The following SPATA31G1 variants were observed in gnomAD, a reference collection of about 807,000 sequenced individuals.
The protein encoded by SPATA31G1 is spermatogenesis-associated protein 31G1.
chr9:35,044,933 T>C, the SPATA31G1 span: 1 of 1,614,156 alleles, frequency 6.2e-7, no homozygotes, highest in Non-Finnish European at 8.5e-7. Flanking sequence ...AGAGATGGAC[T>C]GTCCCAGAGT....
chr9:35,044,597 C>T, the SPATA31G1 span: 20 of 1,614,054 alleles, frequency 1.2e-5, no homozygotes, highest in African/African-American at 1.5e-4. Context: ...CAAAGTCCCA[C>T]GTAAGTGAGC....
chr9:35,043,245 T>C, the SPATA31G1 span: 1 of 1,614,098 alleles, frequency 6.2e-7, no homozygotes, highest in Non-Finnish European at 8.5e-7. Context: ...GCACAGCGAG[T>C]CCTTGGAGGC....
At chr9:35,043,145 T>C in the SPATA31G1 span, 1 of 1,614,196 alleles carries the variant, frequency 6.2e-7, no homozygotes, top group Non-Finnish European at 8.5e-7. Flanking sequence ...TCTTCCAGAT[T>C]CTGACCAGCT....
chr9:35,042,427 A>G, the SPATA31G1 span: 14 of 1,614,100 alleles, frequency 8.7e-6, no homozygotes, highest in South Asian at 1.5e-4. Flanking sequence ...AGATGGTGGC[A>G]GCTTGGGAGG....
At chr9:35,042,367 G>A in the SPATA31G1 span, 2 of 1,614,164 alleles carry the variant, frequency 1.2e-6, no homozygotes, top group Non-Finnish European at 1.7e-6. Flanking sequence ...TGCTTCCAGA[G>A]TCCAGGAAAT....
the SPATA31G1 span, chr9:35,043,295 G>T: frequency 6.2e-7 from 1 of 1,614,156 alleles, no homozygotes; most frequent in Non-Finnish European, 8.5e-7. Context: ...CTCTGAAGTG[G>T]TCTGTTTGTT....
the SPATA31G1 span, chr9:35,041,955 T>C: frequency 3.5e-6 from 1 of 288,202 alleles, no homozygotes; most frequent in Non-Finnish European, 6.5e-6. Flanking sequence ...ACTGAAAAAA[T>C]TAAGTAGTTT....
At chr9:35,042,426 C>T in the SPATA31G1 span, 5 of 1,614,204 alleles carry the variant, frequency 3.1e-6, no homozygotes, top group Non-Finnish European at 4.2e-6. Flanking sequence ...GAGATGGTGG[C>T]AGCTTGGGAG....
At chr9:35,045,527 C>T in the SPATA31G1 span, 3 of 1,614,098 alleles carry the variant, frequency 1.9e-6, no homozygotes, top group Non-Finnish European at 8.5e-7. Flanking sequence ...TGGGGTTATC[C>T]ACAGTCACAG....
chr9:35,042,463 C>A, the SPATA31G1 span: 3 of 1,614,152 alleles, frequency 1.9e-6, no homozygotes, highest in Non-Finnish European at 2.5e-6. Context: ...CCCTGGTGCT[C>A]TGGGAATATG....
At chr9:35,045,254 G>A in the SPATA31G1 span, 10 of 1,614,106 alleles carry the variant, frequency 6.2e-6, no homozygotes, top group South Asian at 1.1e-5. Flanking sequence ...TTCAGCCACA[G>A]GAGTCTGGCA....
the SPATA31G1 span, chr9:35,042,236 T>C: frequency 2.5e-6 from 4 of 1,611,576 alleles, no homozygotes; most frequent in African/African-American, 5.3e-5. Context: ...CAGGGTAAAC[T>C]GCCAGAAGGC....
chr9:35,044,930 G>T, the SPATA31G1 span: 3 of 1,614,190 alleles, frequency 1.9e-6, no homozygotes, highest in Admixed American at 5.0e-5. Context: ...CCCAGAGATG[G>T]ACTGTCCCAG....
chr9:35,044,002 G>A, the SPATA31G1 span: 2 of 1,613,106 alleles, frequency 1.2e-6, no homozygotes, highest in East Asian at 4.5e-5. Context: ...GGCATGCAAA[G>A]TAGAGAAAAT....
the SPATA31G1 span, chr9:35,042,575 T>C: frequency 6.3e-7 from 1 of 1,580,912 alleles, no homozygotes; most frequent in Non-Finnish European, 8.6e-7. Context: ...GGTGAGTGAC[T>C]ATAAGCCCTA....
chr9:35,045,427 A>G, the SPATA31G1 span: 8 of 1,614,184 alleles, frequency 5.0e-6, no homozygotes, highest in African/African-American at 9.3e-5. Flanking sequence ...GGCAAGAGAA[A>G]GGACAAGGCT....
chr9:35,044,756 G>A, the SPATA31G1 span: 15 of 1,613,974 alleles, frequency 9.3e-6, no homozygotes, highest in African/African-American at 8.0e-5. Flanking sequence ...GGAGAAATGT[G>A]CAACAAAGAG....
chr9:35,044,915 A>T, the SPATA31G1 span: 3 of 1,613,794 alleles, frequency 1.9e-6, no homozygotes, highest in Non-Finnish European at 2.5e-6. Context: ...CAGAGGCCCC[A>T]CTCTCCCAGA....
At chr9:35,043,201 G>GA in the SPATA31G1 span, 1 of 1,614,212 alleles carries the variant, frequency 6.2e-7, no homozygotes, top group Non-Finnish European at 8.5e-7. Flanking sequence ...CAGCAGCAGA[G>GA]AAAAAGCCAG....
Sources: gnomAD v4.1 joint callset for allele counts on GRCh38, gnomAD v4.1.1 for gene constraint, MANE v1.5 for transcripts, NCBI Gene and HGNC (gene_info 2026-07-23, HGNC 2026-07-21) for gene names.